The following HUNK variants were observed in gnomAD, a reference collection of about 807,000 sequenced individuals.
HUNK encodes the protein hormonally up-regulated Neu-associated kinase.
In HUNK, 21 loss-of-function variants were observed where a neutral mutation model predicts 61.0. That is an observed-to-expected ratio of 0.34 (90% confidence interval 0.24 to 0.50). The LOEUF (loss-of-function observed/expected upper bound fraction) is 0.50. HUNK is among the 20% of genes least tolerant of loss of function. HUNK has a pLI of 0.98. For synonymous variants in HUNK, 371 were observed against 386.1 expected (o/e 0.96, Z 0.46); for missense variants, 772 against 945.7 (o/e 0.82, Z 2.41).
At chr21:31,975,902 A>C (rs973786480) in intron 7 of HUNK, among the ~76,000 whole-genome samples, 4 of 152,216 alleles carry the variant, frequency 2.6e-5, no homozygotes, top group African/African-American at 4.8e-5. Flanking sequence ...ACATTGCTGA[A>C]CAGATGAAGA....
At position 31,968,241 on chromosome 21, in the gene HUNK, G is replaced by A. The variant is rs1290893984; in HGVS notation, c.875-9G>A. ...AACATGCGTGCATTCTTTCCCAAATGTCTCCCAGGTGCCATCAGTTTCCTG... is the reference window on the plus strand; with the variant it reads ...AACATGCGTGCATTCTTTCCCAAATATCTCCCAGGTGCCATCAGTTTCCTG... On this transcript the variant is annotated splice_polypyrimidine_tract_variant and intron_variant, in intron 5 of 10. Transcript: ENST00000270112. 1.9e-6 allele frequency: 3 copies of A among 1,614,022 alleles called. No homozygotes were observed. The highest frequency in any genetic ancestry group is 2.5e-6 in the Non-Finnish European group (3 of 1,180,014).
At chr21:31,947,687 A>C (rs1601392610) in intron 4 of HUNK, among the ~76,000 whole-genome samples, 1 of 152,184 alleles carries the variant, frequency 6.6e-6, no homozygotes, top group African/African-American at 2.4e-5. Context: ...GTTGCACCAA[A>C]GGTAGAGCCT....
At position 32,000,691 on chromosome 21, in the gene HUNK, G is replaced by C. The variant is rs888373756; in HGVS notation, c.*1507G>C. 4 of 398,722 alleles carry C rather than the reference G, an allele frequency of 1.0e-5. No homozygotes were observed. The highest frequency in any genetic ancestry group is 8.8e-5 in the Admixed American group (2 of 22,724). 24.7% of individuals were successfully genotyped at this position (398,722 alleles called of 1,614,324 possible). Reference sequence around the variant, plus strand: ...GATCCCAAAACACAAATCTAGAATTGCAAAGCCAGCCTTTATTTCCCTGGC... The same window carrying C: ...GATCCCAAAACACAAATCTAGAATTCCAAAGCCAGCCTTTATTTCCCTGGC... On this transcript the variant is annotated 3_prime_UTR_variant, in exon 11 of 11. Coordinates refer to ENST00000270112, the MANE Select transcript of HUNK (RefSeq NM_014586.2).
chr21:31,998,594 G>A lies in HUNK; in HGVS notation c.1555G>A (p.Glu519Lys). Reference sequence around the variant, plus strand: ...CAATTGTGTGGCTTCTTCTTCCATGGAGTTCATCCCCGTGCCACCGCCCAG... The same window carrying A: ...CAATTGTGTGGCTTCTTCTTCCATGAAGTTCATCCCCGTGCCACCGCCCAG... ...DSNCVASSSMEFIPVPPPRTP... is the reference protein window; with the variant it reads ...DSNCVASSSMKFIPVPPPRTP... The change falls in exon 11 of 11, where the codon GAG becomes AAG. Residue 519 changes from glutamate to lysine, a missense_variant. This residue lies in a region of HUNK where 413 missense variants were observed against 444.4 expected (regional missense o/e 0.93). Transcript: ENST00000270112. 6.2e-7 allele frequency: 1 copy of A among 1,613,270 alleles called. No individual in the cohort carries two copies. The highest frequency in any genetic ancestry group is 8.5e-7 in the Non-Finnish European group (1 of 1,179,688).
chr21:31,891,175 G>C (rs540124202), intron 1 of HUNK, among the ~76,000 whole-genome samples: 2 of 152,258 alleles, frequency 1.3e-5, no homozygotes, highest in East Asian at 1.9e-4. Context: ...TCAGGAGTTT[G>C]AGACCAGCCT....
intron 5 of HUNK, among the ~76,000 whole-genome samples, chr21:31,966,650 A>G (rs1182885669): frequency 6.6e-6 from 1 of 152,216 alleles, no homozygotes; most frequent in Non-Finnish European, 1.5e-5. Flanking sequence ...AGTTGACAAA[A>G]GGCTCAGCAT....
At chr21:31,925,399 C>G (rs2052653143) in intron 2 of HUNK, among the ~76,000 whole-genome samples, 1 of 152,152 alleles carries the variant, frequency 6.6e-6, no homozygotes, top group Non-Finnish European at 1.5e-5. Context: ...TAGTAGGTAT[C>G]AGGTAAGTGT....
chr21:31,917,339 C>G (rs756523809), intron 1 of HUNK, among the ~76,000 whole-genome samples: 1 of 151,860 alleles, frequency 6.6e-6, no homozygotes, highest in Non-Finnish European at 1.5e-5. Flanking sequence ...ACTACTGGCA[C>G]GAGCCACCAC....
intron 6 of HUNK, among the ~76,000 whole-genome samples, chr21:31,969,641 G>A (rs963505): frequency 0.29 from 43,899 of 150,516 alleles, 6,565 homozygotes; most frequent in African/African-American, 0.35. Flanking sequence ...GTCATGGCTC[G>A]CTACAGCCTC....
chr21:31,892,291 C>T (rs964427660), intron 1 of HUNK, among the ~76,000 whole-genome samples: 14 of 148,652 alleles, frequency 9.4e-5, no homozygotes, highest in African/African-American at 2.7e-4. Context: ...AGTGGCCAGA[C>T]GTGGTGGCTC....
intron 8 of HUNK, among the ~76,000 whole-genome samples, chr21:31,987,139 G>A (rs1312408845): frequency 6.6e-6 from 1 of 152,212 alleles, no homozygotes; most frequent in Non-Finnish European, 1.5e-5. Flanking sequence ...ATAAGCAACC[G>A]GAATAGGTAG....
chr21:31,947,907 C>T (rs1317673967), intron 4 of HUNK, among the ~76,000 whole-genome samples: 5 of 151,834 alleles, frequency 3.3e-5, no homozygotes, highest in Non-Finnish European at 7.4e-5. Context: ...TTCTGGAATT[C>T]CCCTGCATCT....
chr21:31,998,674 T>G lies in HUNK; in HGVS notation c.1635T>G (p.Thr545=). Residue 545 remains threonine, a synonymous_variant, in exon 11 of 11, where the codon ACT becomes ACG. Transcript: ENST00000270112. ...CCCATCAGCCAGGGCCCGGAAGCAC[T>G]GGCATCCCCCACAAGGAAGACCCCC... ...PEPHQPGPGS[T]GIPHKEDPLM... is the part of the protein sequence containing the mutation. The G allele has an allele frequency of 6.2e-7, 1 of 1,614,144 alleles. No individual in the cohort carries two copies. Among genetic ancestry groups the G allele is most frequent in the Admixed American group, 1.7e-5 (1 of 60,018 alleles).
At chr21:31,973,584 A>G (rs549967988) in intron 6 of HUNK, among the ~76,000 whole-genome samples, 33 of 149,862 alleles carry the variant, frequency 2.2e-4, no homozygotes, top group African/African-American at 6.6e-4. Context: ...GGTGGTGGTG[A>G]TGATGATGAT....
rs1392338566 is a variant in HUNK, at chr21:32,002,339, T to G, written c.*3155T>G. The G allele has an allele frequency of 1.3e-5, 2 of 152,308 alleles. No individual in the cohort carries two copies. The highest frequency in any genetic ancestry group is 2.9e-5 in the Non-Finnish European group (2 of 68,092). The allele number at this position is 152,308 out of a possible 1,614,324, so 9.4% of individuals were successfully genotyped here. A position where few individuals can be genotyped will look rare whatever the true frequency, so the allele number is the denominator to read the frequency against. ...CCTGGGCTCCAACGATCTGCCCACCTTGGCCTCCCAAAGTGCTGAGATTAC... is the reference window on the plus strand; with the variant it reads ...CCTGGGCTCCAACGATCTGCCCACCGTGGCCTCCCAAAGTGCTGAGATTAC... On this transcript the variant is annotated 3_prime_UTR_variant, in exon 11 of 11. Coordinates refer to ENST00000270112, the MANE Select transcript of HUNK (RefSeq NM_014586.2).
chr21:31,942,981 G>A (rs931536899), intron 3 of HUNK, among the ~76,000 whole-genome samples: 8 of 152,128 alleles, frequency 5.3e-5, no homozygotes, highest in East Asian at 3.9e-4. Flanking sequence ...TGTGTTGTGA[G>A]GTTTCTTGCC....
At chr21:31,941,263 A>G (rs1350926757) in intron 3 of HUNK, among the ~76,000 whole-genome samples, 1 of 152,100 alleles carries the variant, frequency 6.6e-6, no homozygotes, top group African/African-American at 2.4e-5. Flanking sequence ...CTATTCTTAG[A>G]AGATTCTTAG....
intron 4 of HUNK, among the ~76,000 whole-genome samples, chr21:31,957,787 G>C (rs1057336406): frequency 1.2e-4 from 19 of 152,120 alleles, no homozygotes; most frequent in African/African-American, 4.6e-4. Flanking sequence ...GTTGGGTTGG[G>C]GCCAGGTGGC....
At chr21:31,947,602 A>AT (rs1359176216) in intron 4 of HUNK, among the ~76,000 whole-genome samples, 6 of 152,206 alleles carry the variant, frequency 3.9e-5, no homozygotes, top group African/African-American at 1.4e-4. Context: ...CTGGTTCACC[A>AT]TTTTGTTCCC....
Sources: gnomAD v4.1 joint callset for allele counts (sites outside exome capture counted in the v4.1 genomes callset) on GRCh38, gnomAD v4.1.1 for gene constraint, gnomAD v4.1.1 regional missense constraint, MANE v1.5 for transcripts, NCBI Gene and HGNC (gene_info 2026-07-23, HGNC 2026-07-21) for gene names.